Variants in CAMKMT observed in about 807,000 individuals in gnomAD.
The protein encoded by CAMKMT is CaM KMT.
In CAMKMT, 53 loss-of-function variants were observed where a neutral mutation model predicts 48.0. The observed-to-expected ratio is 1.10, with a 90% CI of 0.89 to 1.39. CAMKMT has a LOEUF of 1.39. Among genes scored for constraint, CAMKMT ranks in the 40% most tolerant of loss-of-function variants. CAMKMT has a pLI of 0.00. For missense variants in CAMKMT, 428 were observed against 402.7 expected (o/e 1.06, Z -0.54); for synonymous variants, 165 against 152.3 (o/e 1.08, Z -0.61).
At chr2:44,677,003 C>T (rs1675735865) in intron 3 of CAMKMT, among the ~76,000 whole-genome samples, 1 of 152,068 alleles carries the variant, frequency 6.6e-6, no homozygotes. Context: ...TTTTACAGTG[C>T]CCTTGATTCT....
At chr2:44,409,779 T>A (rs1683062842) in intron 3 of CAMKMT, among the ~76,000 whole-genome samples, 1 of 152,192 alleles carries the variant, frequency 6.6e-6, no homozygotes, top group Non-Finnish European at 1.5e-5. Flanking sequence ...ACTGTTTTTT[T>A]AATTGTCAAA....
intron 3 of CAMKMT, among the ~76,000 whole-genome samples, chr2:44,667,299 T>G (rs78908248): frequency 0.025 from 3,785 of 152,272 alleles, 161 homozygotes; most frequent in African/African-American, 0.085. Context: ...CGTGTTTACC[T>G]CTATCACCAG....
At chr2:44,531,916 G>T (rs1572729669) in intron 3 of CAMKMT, among the ~76,000 whole-genome samples, 1 of 152,144 alleles carries the variant, frequency 6.6e-6, no homozygotes, top group African/African-American at 2.4e-5. Context: ...TCTAGAGGAG[G>T]TTAAGCATTA....
At chr2:44,406,768 T>C (rs953577058) in intron 3 of CAMKMT, among the ~76,000 whole-genome samples, 9 of 152,232 alleles carry the variant, frequency 5.9e-5, no homozygotes, top group African/African-American at 2.2e-4. Flanking sequence ...TGCTTGTTTT[T>C]TGTATGGTTT....
At chr2:44,651,494 G>C (rs1352400554) in intron 3 of CAMKMT, among the ~76,000 whole-genome samples, 1 of 152,152 alleles carries the variant, frequency 6.6e-6, no homozygotes, top group African/African-American at 2.4e-5. Context: ...GACCAGCCTG[G>C]CCAACGTGGT....
intron 2 of CAMKMT, among the ~76,000 whole-genome samples, chr2:44,382,712 C>G (rs1399166563): frequency 6.6e-6 from 1 of 152,088 alleles, no homozygotes; most frequent in Non-Finnish European, 1.5e-5. Context: ...ATCTCCTGAC[C>G]TGGTGATCCA....
At chr2:44,413,965 T>C (rs2104486970) in intron 3 of CAMKMT, among the ~76,000 whole-genome samples, 1 of 152,334 alleles carries the variant, frequency 6.6e-6, no homozygotes, top group Non-Finnish European at 1.5e-5. Flanking sequence ...TTCATAGTAA[T>C]ATTTTAGCTT....
At chr2:44,377,259 G>C (rs1035315242) in intron 2 of CAMKMT, among the ~76,000 whole-genome samples, 4 of 152,122 alleles carry the variant, frequency 2.6e-5, no homozygotes, top group African/African-American at 9.7e-5. Flanking sequence ...TGCCTGCCTT[G>C]ACCTCCCAAA....
At position 44,661,985 on chromosome 2, in the gene CAMKMT, G is replaced by C. The variant is rs182934055; in HGVS notation, c.377-42298G>C. Among the ~76,000 whole-genome samples the C allele has an allele frequency of 5.3e-5, 8 of 152,282 alleles. No individual in the cohort carries two copies. In the South Asian group the frequency reaches 8.3e-4, roughly 16 times the overall value. On this transcript the variant is annotated intron_variant, in intron 3 of 10. Coordinates refer to ENST00000378494, the MANE Select transcript of CAMKMT (RefSeq NM_024766.5). ...AGATTATGCCTTCACCTAAAAAATA[G>C]CTTGCCCATATGAGTCTATATCTAT...
At chr2:44,537,029 C>A (rs1254314396) in intron 3 of CAMKMT, among the ~76,000 whole-genome samples, 3 of 152,110 alleles carry the variant, frequency 2.0e-5, no homozygotes, top group Non-Finnish European at 4.4e-5. Flanking sequence ...GGATTAAGGA[C>A]TTAAATATCA....
At chr2:44,497,579 C>G (rs1227172977) in intron 3 of CAMKMT, among the ~76,000 whole-genome samples, 2 of 152,034 alleles carry the variant, frequency 1.3e-5, no homozygotes, top group Non-Finnish European at 2.9e-5. Flanking sequence ...AAATTATTAA[C>G]TGTTCTTTTG....
intron 3 of CAMKMT, among the ~76,000 whole-genome samples, chr2:44,412,167 A>T (rs542764049): frequency 2.0e-5 from 3 of 152,126 alleles, no homozygotes; most frequent in African/African-American, 4.8e-5. Flanking sequence ...ATTGACTCCA[A>T]TAGCTAGTGA....
chr2:44,513,840 C>G (rs753941159), intron 3 of CAMKMT, among the ~76,000 whole-genome samples: 1 of 152,054 alleles, frequency 6.6e-6, no homozygotes, highest in Non-Finnish European at 1.5e-5. Flanking sequence ...GTGGCTCACA[C>G]CTGTAATCAC....
chr2:44,549,881 GAA>G, intron 3 of CAMKMT: 1 of 343,524 alleles, frequency 2.9e-6, no homozygotes. Flanking sequence ...GGTGTTATGT[GAA>G]GAGTGTCTTT....
At chr2:44,764,769 G>T (rs1680768383) in intron 9 of CAMKMT, among the ~76,000 whole-genome samples, 2 of 152,196 alleles carry the variant, frequency 1.3e-5, no homozygotes, top group African/African-American at 4.8e-5. Context: ...GGGATTAAAG[G>T]AGGATTTGTG....
intron 3 of CAMKMT, among the ~76,000 whole-genome samples, chr2:44,402,253 C>T (rs945480323): frequency 3.5e-5 from 5 of 144,006 alleles, no homozygotes; most frequent in South Asian, 2.3e-4. Context: ...TGCTTGAACC[C>T]GGGAGGCAGA....
intron 3 of CAMKMT, among the ~76,000 whole-genome samples, chr2:44,684,233 C>T (rs1007648073): frequency 6.6e-6 from 1 of 152,172 alleles, no homozygotes; most frequent in Non-Finnish European, 1.5e-5. Flanking sequence ...CCGTTCTCAA[C>T]AACTCAGCCT....
chr2:44,542,637 T>G (rs1392740729), intron 3 of CAMKMT, among the ~76,000 whole-genome samples: 1 of 152,018 alleles, frequency 6.6e-6, no homozygotes, highest in East Asian at 1.9e-4. Context: ...TATAGAAAGA[T>G]CTAAATGAGT....
intron 3 of CAMKMT, among the ~76,000 whole-genome samples, chr2:44,411,020 T>C (rs1262130227): frequency 6.6e-6 from 1 of 152,254 alleles, no homozygotes; most frequent in African/African-American, 2.4e-5. Flanking sequence ...AAATGTAATC[T>C]TTTGAATACC....
Sources: allele counts gnomAD v4.1 joint callset (sites outside exome capture counted in the v4.1 genomes callset), GRCh38; gene constraint gnomAD v4.1.1; transcripts MANE v1.5; gene names NCBI Gene and HGNC (gene_info 2026-07-23, HGNC 2026-07-21).